UNC5D: variants seen among roughly 807,000 people sequenced by gnomAD.
UNC5D encodes the protein unc-5 netrin receptor D, also known as netrin receptor UNC5D.
Under a neutral mutation model 105.4 loss-of-function variants are expected in UNC5D, and 39 were observed. The observed-to-expected ratio is 0.37, with a 90% confidence interval of 0.29 to 0.48. UNC5D has a LOEUF of 0.48. Among genes scored for constraint, UNC5D ranks in the 20% least tolerant of loss-of-function variants. The pLI, the probability that UNC5D is intolerant of heterozygous loss-of-function variation, is 0.98. For missense variants in UNC5D, 991 were observed against 1,202.4 expected (o/e 0.82, Z 2.60); for synonymous variants, 452 against 450.4 (o/e 1.00, Z -0.04).
chr8:35,253,780 C>T (rs1021669274), intron 1 of UNC5D, among the ~76,000 whole-genome samples: 1 of 152,084 alleles, frequency 6.6e-6, no homozygotes, highest in Non-Finnish European at 1.5e-5. Context: ...TGAGCCACCA[C>T]GTGGCCTCAT....
At chr8:35,313,693 C>G (rs1442501211) in intron 1 of UNC5D, among the ~76,000 whole-genome samples, 3 of 152,158 alleles carry the variant, frequency 2.0e-5, no homozygotes, top group Admixed American at 2.0e-4. Flanking sequence ...GGTGCAAATC[C>G]TGGCTCTGCC....
chr8:35,384,726 T>C (rs1803275170), intron 1 of UNC5D, among the ~76,000 whole-genome samples: 1 of 152,208 alleles, frequency 6.6e-6, no homozygotes, highest in Admixed American at 6.5e-5. Context: ...CGTGTATTTC[T>C]TTCTCATATT....
intron 1 of UNC5D, among the ~76,000 whole-genome samples, chr8:35,499,490 T>C (rs1331855150): frequency 6.6e-6 from 1 of 152,224 alleles, no homozygotes; most frequent in Admixed American, 6.5e-5. Context: ...ACAAAGATCA[T>C]TTGTTGGGGA....
chr8:35,776,444 T>TC (rs1668348915), intron 16 of UNC5D, among the ~76,000 whole-genome samples: 1 of 152,190 alleles, frequency 6.6e-6, no homozygotes, highest in South Asian at 2.1e-4. Context: ...AGGGAGTACC[T>TC]CCAAAGTCAT....
intron 1 of UNC5D, among the ~76,000 whole-genome samples, chr8:35,435,620 T>G (rs1806956106): frequency 6.6e-6 from 1 of 152,092 alleles, no homozygotes; most frequent in Non-Finnish European, 1.5e-5. Flanking sequence ...TAAAGCTTTT[T>G]TGGAGATAAA....
At chr8:35,303,520 C>A (rs1808115337) in intron 1 of UNC5D, among the ~76,000 whole-genome samples, 1 of 152,092 alleles carries the variant, frequency 6.6e-6, no homozygotes, top group Non-Finnish European at 1.5e-5. Context: ...AGTGCTGGAA[C>A]CAACATTTAA....
At chr8:35,731,197 G>A (rs191237285) in intron 11 of UNC5D, 101 bp downstream of exon 11, 934 of 1,113,108 alleles carry the variant, frequency 8.4e-4, no homozygotes, top group Middle Eastern at 1.2e-3. Flanking sequence ...TCAGGAGTTC[G>A]AGACCAGCCT....
chr8:35,572,001 C>T (rs917680190), intron 3 of UNC5D, among the ~76,000 whole-genome samples: 1 of 152,078 alleles, frequency 6.6e-6, no homozygotes, highest in Non-Finnish European at 1.5e-5. Context: ...TTAAAACTGC[C>T]ATGGGCCGGG....
At chr8:35,387,998 G>A (rs1190151505) in intron 1 of UNC5D, among the ~76,000 whole-genome samples, 1 of 152,040 alleles carries the variant, frequency 6.6e-6, no homozygotes, top group Admixed American at 6.6e-5. Flanking sequence ...CTCAAGTGTT[G>A]GGAAAAGGCC....
chr8:35,751,684 A>G (rs1375077424), intron 13 of UNC5D, among the ~76,000 whole-genome samples: 1 of 152,180 alleles, frequency 6.6e-6, no homozygotes, highest in Non-Finnish European at 1.5e-5. Flanking sequence ...CCTTGAAGCA[A>G]GAGCCGTGTT....
chr8:35,638,581 G>C lies in UNC5D; in HGVS notation c.570+42924G>C, dbSNP rs532233649. On this transcript the variant is annotated intron_variant, in intron 4 of 16. Coordinates refer to ENST00000404895, the MANE Select transcript of UNC5D (RefSeq NM_080872.4). Reference sequence around the variant, plus strand: ...AGGCCAGGGAGGGAGGAATGCTTGAGGCCAGGAATTTGAGCCAGCCTAGGC... The same window carrying C: ...AGGCCAGGGAGGGAGGAATGCTTGACGCCAGGAATTTGAGCCAGCCTAGGC... Among the ~76,000 whole-genome samples the C allele has an allele frequency of 4.0e-4, 61 of 152,004 alleles. 1 individual carries two copies. The highest frequency in any genetic ancestry group is 2.2e-3 in the Admixed American group (34 of 15,252).
intron 11 of UNC5D, among the ~76,000 whole-genome samples, chr8:35,736,322 G>C (rs888353050): frequency 6.6e-6 from 1 of 152,204 alleles, no homozygotes; most frequent in African/African-American, 2.4e-5. Flanking sequence ...TGTAAGCCAA[G>C]ATTGCACCAC....
At chr8:35,548,382 C>G (rs1340412284) in intron 1 of UNC5D, among the ~76,000 whole-genome samples, 1 of 152,104 alleles carries the variant, frequency 6.6e-6, no homozygotes, top group African/African-American at 2.4e-5. Context: ...AATGGCCTTT[C>G]GAGGGTACAA....
At chr8:35,710,163 T>C (rs4739422) in intron 8 of UNC5D, among the ~76,000 whole-genome samples, 13,015 of 152,230 alleles carry the variant, frequency 0.085, 1,220 homozygotes, top group African/African-American at 0.22. Flanking sequence ...TAATCTGTTA[T>C]AATACCTAGG....
At chr8:35,431,224 G>A (rs937291052) in intron 1 of UNC5D, among the ~76,000 whole-genome samples, 12 of 152,068 alleles carry the variant, frequency 7.9e-5, no homozygotes, top group Non-Finnish European at 1.5e-4. Flanking sequence ...GTGTAAAAAG[G>A]GTAGTTATCA....
chr8:35,451,310 T>C (rs933736876), intron 1 of UNC5D, among the ~76,000 whole-genome samples: 2 of 152,208 alleles, frequency 1.3e-5, no homozygotes, highest in Admixed American at 6.6e-5. Context: ...CCCAAAGTGC[T>C]GGAATTACAG....
intron 1 of UNC5D, among the ~76,000 whole-genome samples, chr8:35,544,136 CTT>C (rs1815471415): frequency 1.3e-5 from 2 of 152,172 alleles, no homozygotes; most frequent in Admixed American, 6.5e-5. Flanking sequence ...TTCTGTGTCT[CTT>C]AAATGACCGA....
chr8:35,591,875 A>C (rs754963976), intron 3 of UNC5D, among the ~76,000 whole-genome samples: 1 of 152,224 alleles, frequency 6.6e-6, no homozygotes, highest in Non-Finnish European at 1.5e-5. Flanking sequence ...TCTGTTACCA[A>C]CACAGCAATC....
At chr8:35,549,960 T>TC (rs1491001779) in intron 2 of UNC5D, among the ~76,000 whole-genome samples, 1 of 150,950 alleles carries the variant, frequency 6.6e-6, no homozygotes, top group Non-Finnish European at 1.5e-5. Flanking sequence ...TCCTTTTTTT[T>TC]TTTTTTTTTT....
Sources: gnomAD v4.1 joint callset for allele counts (sites outside exome capture counted in the v4.1 genomes callset) on GRCh38, gnomAD v4.1.1 for gene constraint, MANE v1.5 for transcripts, NCBI Gene and HGNC (gene_info 2026-07-23, HGNC 2026-07-21) for gene names.